The following EPB41L4A variants were observed in gnomAD, a reference collection of about 807,000 sequenced individuals.
The protein encoded by EPB41L4A is erythrocyte membrane protein band 4.1 like 4A.
In EPB41L4A, 100 loss-of-function variants were observed where a neutral mutation model predicts 108.6. That is an observed-to-expected ratio of 0.92 (90% CI 0.78 to 1.09). The LOEUF is 1.09. Among genes scored for constraint, EPB41L4A ranks in the 50% least tolerant of loss-of-function variants. The pLI is 0.00. For missense variants in EPB41L4A, 1,030 were observed against 842.7 expected (o/e 1.22, Z -2.75); for synonymous variants, 319 against 289.0 (o/e 1.10, Z -1.05).
At chr5:112,296,462 G>GA (rs1189049533) in intron 2 of EPB41L4A, among the ~76,000 whole-genome samples, 1 of 151,998 alleles carries the variant, frequency 6.6e-6, no homozygotes, top group Non-Finnish European at 1.5e-5. Context: ...TGAATGGTCT[G>GA]AAAAAACACT....
At chr5:112,416,969 G>T (rs1762752992) in intron 1 of EPB41L4A, among the ~76,000 whole-genome samples, 1 of 152,212 alleles carries the variant, frequency 6.6e-6, no homozygotes, top group Non-Finnish European at 1.5e-5. Flanking sequence ...GACAACATCT[G>T]TGTTACACAC....
chr5:112,335,531 T>C (rs1756861203), intron 1 of EPB41L4A, among the ~76,000 whole-genome samples: 2 of 152,198 alleles, frequency 1.3e-5, no homozygotes, highest in African/African-American at 2.4e-5. Context: ...ATTTTCCAGA[T>C]GGCCATTTTA....
chr5:112,284,793 A>G (rs763419409), intron 2 of EPB41L4A, among the ~76,000 whole-genome samples: 6 of 152,192 alleles, frequency 3.9e-5, no homozygotes, highest in African/African-American at 1.4e-4. Flanking sequence ...AGGCCTGTCA[A>G]TCTTAATCAC....
At chr5:112,211,054 G>T (rs1312055065) in intron 12 of EPB41L4A, among the ~76,000 whole-genome samples, 1 of 152,016 alleles carries the variant, frequency 6.6e-6, no homozygotes, top group African/African-American at 2.4e-5. Context: ...ATTTACTCAT[G>T]TATCCTCAAA....
chr5:112,258,479 T>C (rs1447874332), intron 9 of EPB41L4A, among the ~76,000 whole-genome samples: 2 of 152,236 alleles, frequency 1.3e-5, no homozygotes, highest in Non-Finnish European at 2.9e-5. Context: ...GTGTTTTCAC[T>C]CATGTATCCC....
intron 1 of EPB41L4A, among the ~76,000 whole-genome samples, chr5:112,388,021 C>G (rs1760676068): frequency 6.6e-6 from 1 of 152,100 alleles, no homozygotes; most frequent in East Asian, 1.9e-4. Flanking sequence ...TTTTAAGGCA[C>G]CAAACCCCAA....
At chr5:112,289,268 A>G (rs1753493442) in intron 2 of EPB41L4A, among the ~76,000 whole-genome samples, 1 of 152,186 alleles carries the variant, frequency 6.6e-6, no homozygotes, top group African/African-American at 2.4e-5. Context: ...ATACTCATTG[A>G]AATCTTATAA....
chr5:112,221,585 G>T (rs552326444), intron 12 of EPB41L4A, among the ~76,000 whole-genome samples: 1 of 152,198 alleles, frequency 6.6e-6, no homozygotes, highest in Non-Finnish European at 1.5e-5. Context: ...TTGGAATTTA[G>T]TAAGTGCTAA....
chr5:112,197,668 CT>C (rs1458048343), intron 15 of EPB41L4A, among the ~76,000 whole-genome samples: 1 of 152,190 alleles, frequency 6.6e-6, no homozygotes, highest in Non-Finnish European at 1.5e-5. Context: ...CTCAGGTAAT[CT>C]GCAAGTTCCA....
chr5:112,387,329 A>G (rs1370748447), intron 1 of EPB41L4A, among the ~76,000 whole-genome samples: 2 of 152,220 alleles, frequency 1.3e-5, no homozygotes, highest in Non-Finnish European at 2.9e-5. Context: ...CTGCCACTGA[A>G]GAACTGCATG....
intron 1 of EPB41L4A, among the ~76,000 whole-genome samples, chr5:112,329,112 G>T (rs1374205486): frequency 1.3e-5 from 2 of 152,046 alleles, no homozygotes; most frequent in African/African-American, 4.8e-5. Context: ...AAATGCAGCT[G>T]GTCCAAATTG....
At chr5:112,220,146 G>C (rs1747946255) in intron 12 of EPB41L4A, among the ~76,000 whole-genome samples, 1 of 152,106 alleles carries the variant, frequency 6.6e-6, no homozygotes, top group South Asian at 2.1e-4. Flanking sequence ...TCGATGCTGT[G>C]AACCCATGTT....
chr5:112,409,195 T>G lies in EPB41L4A; in HGVS notation c.99+9746A>C, dbSNP rs192765059. Among the ~76,000 whole-genome samples, 223 of 152,326 alleles carry G rather than the reference T, an allele frequency of 1.5e-3. 1 individual carries two copies. The highest frequency in any genetic ancestry group is 6.8e-3 in the Middle Eastern group (2 of 294). On this transcript the variant is annotated intron_variant, in intron 1 of 22. Coordinates refer to ENST00000261486, the MANE Select transcript of EPB41L4A (RefSeq NM_022140.5). ...TATGTGCTACATTGTGAATGAATCT[T>G]GAAAACACTATTCCAAGTGAAGGAA...
rs1345095884 is a variant in EPB41L4A, at chr5:112,339,461, G to T, written c.100-31971C>A. Among the ~76,000 whole-genome samples the T allele has an allele frequency of 2.5e-3, 306 of 121,174 alleles. 1 individual carries two copies. The highest frequency in any genetic ancestry group is 3.0e-3 in the Non-Finnish European group (179 of 59,162). 79.5% of individuals were successfully genotyped at this position (121,174 alleles called of 152,430 possible). On this transcript the variant is annotated intron_variant, in intron 1 of 22. Transcript: ENST00000261486. ...TTAAACAAGGAGATATATAGCTATA[G>T]ATATATATATATCTATATATATATA... is the stretch of plus-strand genomic sequence containing the variant.
At chr5:112,161,636 C>T (rs374445440), downstream of EPB41L4A, 115 of 518,880 alleles carry the variant, frequency 2.2e-4, no homozygotes, top group African/African-American at 1.6e-3. Context: ...TACGTTTCCA[C>T]GCGTGATCTT....
intron 9 of EPB41L4A, among the ~76,000 whole-genome samples, chr5:112,248,566 TG>T (rs945038109): frequency 3.9e-5 from 6 of 152,170 alleles, no homozygotes; most frequent in African/African-American, 1.4e-4. Flanking sequence ...TACTGCTCCA[TG>T]GGTCTCTAGA....
At chr5:112,195,426 T>C (rs1761915434) in intron 16 of EPB41L4A, among the ~76,000 whole-genome samples, 1 of 151,754 alleles carries the variant, frequency 6.6e-6, no homozygotes, top group East Asian at 1.9e-4. Context: ...TGCAGTGGTT[T>C]ATAATATGGC....
chr5:112,146,615 C>A (rs1365547068), intron 12 of EPB41L4A, among the ~76,000 whole-genome samples: 1 of 152,148 alleles, frequency 6.6e-6, no homozygotes, highest in South Asian at 2.1e-4. Flanking sequence ...TTTTGTCTAG[C>A]AACTATTTAT....
rs566370899 is a variant in EPB41L4A, at chr5:112,342,039, C to T, written c.100-34549G>A. ...CTATAGAATGGATCAAGAGAATTCA[C>T]GAAACATTATGCAACTAGAAACTGT... On this transcript the variant is annotated intron_variant, in intron 1 of 22. Coordinates refer to ENST00000261486, the MANE Select transcript of EPB41L4A (RefSeq NM_022140.5). Among the ~76,000 whole-genome samples, 7 of 152,090 alleles carry T rather than the reference C, an allele frequency of 4.6e-5. No individual in the cohort carries two copies. The South Asian group carries it at 6.2e-4, about 14-fold the overall frequency.
Sources: allele counts gnomAD v4.1 joint callset (sites outside exome capture counted in the v4.1 genomes callset), GRCh38; gene constraint gnomAD v4.1.1; transcripts MANE v1.5; gene names NCBI Gene and HGNC (gene_info 2026-07-23, HGNC 2026-07-21).